The following XYLT1 variants were observed in gnomAD, a reference collection of about 807,000 sequenced individuals.
XYLT1 encodes the protein xylosyltransferase 1.
A neutral mutation model predicts 91.3 loss-of-function variants in XYLT1; 36 were observed. That is an observed-to-expected ratio of 0.39 (90% CI 0.30 to 0.52). XYLT1 has a LOEUF of 0.52. Among genes scored for constraint, XYLT1 ranks in the 20% least tolerant of loss-of-function variants. The pLI, the probability that XYLT1 is intolerant of heterozygous loss-of-function variation, is 0.68. For synonymous variants in XYLT1, 588 were observed against 532.0 expected (o/e 1.11, Z -1.45); for missense variants, 1,242 against 1,284.5 (o/e 0.97, Z 0.51).
chr16:17,243,112 A>G (rs1395938099), intron 3 of XYLT1, among the ~76,000 whole-genome samples: 1 of 152,180 alleles, frequency 6.6e-6, no homozygotes, highest in East Asian at 1.9e-4. Context: ...TCTGCCTTCA[A>G]TTCTTCTAGG....
Position 17,259,150 on chromosome 16 carries a change from A to G in XYLT1, c.751T>C (p.Tyr251His). The G allele has an allele frequency of 6.3e-7, 1 of 1,596,836 alleles. No homozygotes were observed. The highest frequency in any genetic ancestry group is 8.5e-7 in the Non-Finnish European group (1 of 1,171,412). Residue 251 changes from tyrosine to histidine, a missense_variant, in exon 3 of 12, where the codon TAT (tyrosine) becomes CAT (histidine). Tyr to His is a moderately conservative substitution (Grantham distance 83). Transcript: ENST00000261381. ...KTGGSSPETK[Y>H]DQPPKCDISG... is the part of the protein sequence containing the mutation. The stretch of plus-strand genomic sequence containing the variant: ...ATGTCACACTTAGGGGGCTGGTCAT[A>G]CTTGGTCTCGGGGGAGCTGCCCCCA...
Position 17,259,418 on chromosome 16 carries a change from C to T in XYLT1, c.483G>A (p.Glu161=). The T allele has an allele frequency of 6.2e-7, 1 of 1,614,116 alleles. No homozygotes were observed. The highest frequency in any genetic ancestry group is 8.5e-7 in the Non-Finnish European group (1 of 1,180,036). ...GTGCGAAGTTGCTGTTGTCGACATT[C>T]TCAAAGTCTTTGGGGACAGAGTTCT... is the stretch of plus-strand genomic sequence containing the variant. ...NNENSVPKDF[E]NVDNSNFAPR... The change falls in exon 3 of 12, where the codon GAG becomes GAA. Residue 161 remains glutamate, a synonymous_variant. Transcript: ENST00000261381.
At position 17,167,629 on chromosome 16, in the gene XYLT1, G is replaced by A. The variant is rs957148094; in HGVS notation, c.1290-8720C>T. On this transcript the variant is annotated intron_variant, in intron 5 of 11. Coordinates refer to ENST00000261381, the MANE Select transcript of XYLT1 (RefSeq NM_022166.4). ...GGATTCTAACCCATCCTTCCATCTC[G>A]TGAATGGATTCTAACCCATCCTTCC... is the stretch of plus-strand genomic sequence containing the variant. Among the ~76,000 whole-genome samples the A allele has an allele frequency of 8.8e-5, 13 of 147,794 alleles. 2 individuals are homozygous for A. In the South Asian group the frequency reaches 1.7e-3, roughly 20 times the overall value.
chr16:17,337,777 T>TTTC (rs1342074131), intron 2 of XYLT1, among the ~76,000 whole-genome samples: 2 of 134,994 alleles, frequency 1.5e-5, no homozygotes, highest in African/African-American at 3.2e-5. Flanking sequence ...CATTTTTTCT[T>TTTC]TTTCTTTTTT....
intron 1 of XYLT1, among the ~76,000 whole-genome samples, chr16:17,386,111 A>T (rs982599436): frequency 3.3e-5 from 5 of 152,160 alleles, no homozygotes; most frequent in South Asian, 2.1e-4. Flanking sequence ...CATGACAATT[A>T]AAAAAATCAC....
intron 1 of XYLT1, among the ~76,000 whole-genome samples, chr16:17,424,275 G>A (rs1489783723): frequency 5.3e-5 from 8 of 152,222 alleles, no homozygotes; most frequent in African/African-American, 1.7e-4. Context: ...TCAAATGAAA[G>A]CAAGGACACC....
chr16:17,344,265 G>A (rs892049227), intron 2 of XYLT1, among the ~76,000 whole-genome samples: 1 of 151,168 alleles, frequency 6.6e-6, no homozygotes, highest in Non-Finnish European at 1.5e-5. Context: ...GGCGGATCAC[G>A]AGGTCAGGAG....
chr16:17,298,552 C>A (rs1467734876), intron 2 of XYLT1, among the ~76,000 whole-genome samples: 1 of 152,090 alleles, frequency 6.6e-6, no homozygotes, highest in East Asian at 1.9e-4. Context: ...CTCTGTGAAG[C>A]GTAAGGATGG....
At chr16:17,289,321 C>A (rs571688265) in intron 2 of XYLT1, among the ~76,000 whole-genome samples, 1 of 152,222 alleles carries the variant, frequency 6.6e-6, no homozygotes, top group East Asian at 1.9e-4. Flanking sequence ...TGTATCATCA[C>A]CATTTGTGCC....
intron 2 of XYLT1, among the ~76,000 whole-genome samples, chr16:17,310,483 A>G (rs1268984290): frequency 6.6e-6 from 1 of 152,184 alleles, no homozygotes; most frequent in African/African-American, 2.4e-5. Context: ...CAGGAATTGC[A>G]TCTTCTGCTC....
chr16:17,127,602 G>A, intron 10 of XYLT1, 64 bp downstream of exon 10: 3 of 1,533,366 alleles, frequency 2.0e-6, no homozygotes, highest in East Asian at 2.3e-5. Context: ...GTCAGATAGT[G>A]GAGTAGAATC....
At chr16:17,313,623 T>C (rs572061007) in intron 2 of XYLT1, among the ~76,000 whole-genome samples, 34 of 151,976 alleles carry the variant, frequency 2.2e-4, no homozygotes, top group African/African-American at 8.0e-4. Context: ...GCTGCTATAA[T>C]GCTGTCTGTG....
Position 17,414,534 on chromosome 16 carries a change from G to A in XYLT1, c.363+55900C>T, listed in dbSNP as rs576615153. On this transcript the variant is annotated intron_variant, in intron 1 of 11. Coordinates refer to ENST00000261381, the MANE Select transcript of XYLT1 (RefSeq NM_022166.4). ...ATAAATTAAGACCCAGGCACAAAAC[G>A]AGACGGACCCGTGGATGAGTCTCCT... Among the ~76,000 whole-genome samples the A allele has an allele frequency of 4.6e-5, 7 of 152,254 alleles. No homozygotes were observed. In the East Asian group the frequency reaches 5.8e-4, roughly 13 times the overall value.
At chr16:17,254,816 T>G (rs1476119193) in intron 3 of XYLT1, among the ~76,000 whole-genome samples, 4 of 152,206 alleles carry the variant, frequency 2.6e-5, no homozygotes, top group African/African-American at 7.2e-5. Context: ...GTTAAGGTTT[T>G]CAGGGAGTCA....
intron 1 of XYLT1, among the ~76,000 whole-genome samples, chr16:17,421,943 T>A (rs1386572649): frequency 6.6e-6 from 1 of 152,090 alleles, no homozygotes; most frequent in Non-Finnish European, 1.5e-5. Flanking sequence ...GCTGAAGCAA[T>A]GTTCCCACCT....
chr16:17,406,039 G>A (rs961307342), intron 1 of XYLT1, among the ~76,000 whole-genome samples: 1 of 152,086 alleles, frequency 6.6e-6, no homozygotes, highest in Non-Finnish European at 1.5e-5. Context: ...ACAAAAATTA[G>A]CCAGGCGTGG....
At chr16:17,249,027 C>T (rs2033492300) in intron 3 of XYLT1, among the ~76,000 whole-genome samples, 1 of 151,996 alleles carries the variant, frequency 6.6e-6, no homozygotes, top group Non-Finnish European at 1.5e-5. Context: ...GGCCTACGTG[C>T]ACATTTTAAT....
At chr16:17,214,810 C>G (rs1304496610) in intron 3 of XYLT1, among the ~76,000 whole-genome samples, 1 of 152,206 alleles carries the variant, frequency 6.6e-6, no homozygotes, top group Non-Finnish European at 1.5e-5. Context: ...TTGCAAATGA[C>G]TACATTTTCT....
chr16:17,117,971 A>C lies in XYLT1; in HGVS notation c.2232T>G (p.Thr744=), dbSNP rs1383639375. Residue 744 remains threonine (T), a synonymous_variant, in exon 11 of 12, where the codon ACT becomes ACG. Transcript: ENST00000261381. ...ATAGCCTCTCCTTGGCATCCCAGTC[A>C]GTGCCGACCTGAAACAGGGGAGTGA... is the stretch of plus-strand genomic sequence containing the variant. ...FGRLQFSEVG[T]DWDAKERLFR... The C allele has an allele frequency of 6.2e-7, 1 of 1,608,282 alleles. No individual in the cohort carries two copies. Among genetic ancestry groups the C allele is most frequent in the African/African-American group, 1.3e-5 (1 of 74,816 alleles).
Sources: allele counts gnomAD v4.1 joint callset (sites outside exome capture counted in the v4.1 genomes callset), GRCh38; gene constraint gnomAD v4.1.1; transcripts MANE v1.5; gene names NCBI Gene and HGNC (gene_info 2026-07-23, HGNC 2026-07-21).